Variants in ACYP2 observed in about 807,000 individuals in gnomAD.
The protein encoded by ACYP2 is acylphosphatase-2.
A neutral mutation model predicts 11.2 loss-of-function variants in ACYP2; 12 were observed. That is an observed-to-expected ratio of 1.08 (90% CI 0.69 to 1.74). The LOEUF is 1.74. Ranked by LOEUF, ACYP2 falls within the 40% of genes most tolerant of loss-of-function variation. The pLI, the probability that ACYP2 is intolerant of heterozygous loss-of-function variation, is 0.00. For synonymous variants in ACYP2, 43 were observed against 32.2 expected (o/e 1.33, Z -1.13); for missense variants, 134 against 101.9 (o/e 1.31, Z -1.35).
intron 3 of ACYP2, among the ~76,000 whole-genome samples, chr2:54,053,897 C>T (rs758254810): frequency 2.6e-5 from 4 of 152,210 alleles, no homozygotes; most frequent in African/African-American, 7.2e-5. Flanking sequence ...TTTACTCTCA[C>T]TGGGAGAGGG....
At chr2:54,144,121 C>T (rs138548066) in intron 6 of ACYP2, among the ~76,000 whole-genome samples, 3 of 152,146 alleles carry the variant, frequency 2.0e-5, no homozygotes, top group African/African-American at 7.2e-5. Context: ...AGGTATGCAC[C>T]ACCATGTCCA....
At chr2:54,193,526 A>G (rs771151058) in intron 6 of ACYP2, among the ~76,000 whole-genome samples, 1 of 152,202 alleles carries the variant, frequency 6.6e-6, no homozygotes, top group African/African-American at 2.4e-5. Context: ...AGTCGTGACA[A>G]GTACTCAAAA....
intron 6 of ACYP2, among the ~76,000 whole-genome samples, chr2:54,252,689 G>T (rs1215459765): frequency 9.2e-5 from 14 of 152,062 alleles, no homozygotes; most frequent in Non-Finnish European, 2.1e-4. Context: ...GGATCACAAG[G>T]TCAGGAGATT....
At chr2:54,113,719 G>A (rs974580228) in intron 4 of ACYP2, among the ~76,000 whole-genome samples, 2 of 152,044 alleles carry the variant, frequency 1.3e-5, no homozygotes, top group Non-Finnish European at 2.9e-5. Context: ...TTGGAGAAGG[G>A]GGAGGCATTC....
At chr2:54,093,662 C>T (rs13418658) in intron 4 of ACYP2, among the ~76,000 whole-genome samples, 29,830 of 152,116 alleles carry the variant, frequency 0.2, 3,946 homozygotes, top group African/African-American at 0.38. Flanking sequence ...ACCACTTGGC[C>T]GGGCGTGGTG....
chr2:54,098,327 A>G (rs914689113), intron 4 of ACYP2, among the ~76,000 whole-genome samples: 2 of 151,998 alleles, frequency 1.3e-5, no homozygotes, highest in African/African-American at 4.8e-5. Flanking sequence ...GATTGTCTCA[A>G]AGTTCTAACA....
At chr2:54,301,520 C>CTATG (rs1689727083) in intron 6 of ACYP2, among the ~76,000 whole-genome samples, 1 of 151,948 alleles carries the variant, frequency 6.6e-6, no homozygotes. Context: ...TTTTAAATCT[C>CTATG]TATGTATGCC....
chr2:54,236,280 T>A lies in ACYP2; in HGVS notation c.405-68408T>A, dbSNP rs964631621. Among the ~76,000 whole-genome samples the A allele has an allele frequency of 2.0e-5, 3 of 152,160 alleles. No individual in the cohort carries two copies. The East Asian group carries it at 5.8e-4, about 29-fold the overall frequency. ...TTAAGTTGTTCTTTTCATAACTTTTTATCAAGGATGTTTAGCTTATTGCTT... is the reference window on the plus strand; with the variant it reads ...TTAAGTTGTTCTTTTCATAACTTTTAATCAAGGATGTTTAGCTTATTGCTT... On this transcript the variant is annotated intron_variant, in intron 6 of 6. Coordinates refer to ENST00000607452, the MANE Select transcript of ACYP2 (RefSeq NM_001320586.2).
At chr2:54,087,664 C>T (rs1572720845) in intron 4 of ACYP2, among the ~76,000 whole-genome samples, 1 of 152,144 alleles carries the variant, frequency 6.6e-6, no homozygotes, top group East Asian at 1.9e-4. Flanking sequence ...GAATACACCT[C>T]TTTCTGCTAT....
In ACYP2 at chr2:54,229,098, T is replaced by G. The variant is rs188391143; in HGVS notation, c.405-75590T>G. Among the ~76,000 whole-genome samples the G allele has an allele frequency of 5.9e-5, 9 of 152,204 alleles. No individual in the cohort carries two copies. The East Asian group carries it at 1.7e-3, about 29-fold the overall frequency. ...ACAGAAGCAAGGGCACCGAGCCAGG[T>G]AGGCCATTACAAAATGGCCCAACTG... On this transcript the variant is annotated intron_variant, in intron 6 of 6. Coordinates refer to ENST00000607452, the MANE Select transcript of ACYP2 (RefSeq NM_001320586.2).
At chr2:54,114,380 C>CAAAAAA (rs58390248) in intron 4 of ACYP2, among the ~76,000 whole-genome samples, 1 of 104,404 alleles carries the variant, frequency 9.6e-6, no homozygotes, top group African/African-American at 3.6e-5. Flanking sequence ...TCAAGACAAT[C>CAAAAAA]AAAAAAAAAA....
intron 4 of ACYP2, among the ~76,000 whole-genome samples, chr2:54,130,077 G>A (rs1056281005): frequency 6.6e-6 from 1 of 152,058 alleles, no homozygotes; most frequent in African/African-American, 2.4e-5. Flanking sequence ...AAACAAGACA[G>A]AAAAATTCCT....
intron 6 of ACYP2, chr2:54,267,451 G>C: frequency 7.9e-7 from 1 of 1,264,488 alleles, no homozygotes; most frequent in Non-Finnish European, 1.1e-6. Context: ...GGAATTGGGA[G>C]CTGGGGGAAG....
chr2:54,139,796 T>C (rs1681499444), intron 6 of ACYP2, among the ~76,000 whole-genome samples: 1 of 142,674 alleles, frequency 7.0e-6, no homozygotes, highest in Admixed American at 6.9e-5. Context: ...TGTGTACTTT[T>C]CTGTCTATTT....
At chr2:54,245,806 C>T (rs1686923935) in intron 6 of ACYP2, among the ~76,000 whole-genome samples, 1 of 151,528 alleles carries the variant, frequency 6.6e-6, no homozygotes, top group Admixed American at 6.6e-5. Flanking sequence ...TTTCTCCATT[C>T]TACAGGTTGC....
chr2:54,033,579 A>G (rs1451549451), intron 2 of ACYP2, among the ~76,000 whole-genome samples: 3 of 152,198 alleles, frequency 2.0e-5, no homozygotes, highest in African/African-American at 4.8e-5. Context: ...TGTGTGTTAT[A>G]TAAGGTTTTG....
intron 2 of ACYP2, among the ~76,000 whole-genome samples, chr2:54,017,693 T>C (rs1259099219): frequency 6.6e-6 from 1 of 152,198 alleles, no homozygotes; most frequent in Admixed American, 6.5e-5. Context: ...GTAATTCTTA[T>C]GAAAAATAGT....
chr2:54,257,628 G>A (rs542759484), intron 6 of ACYP2, among the ~76,000 whole-genome samples: 1 of 152,306 alleles, frequency 6.6e-6, no homozygotes, highest in African/African-American at 2.4e-5. Flanking sequence ...AGAAATTTAT[G>A]TAAGACAATA....
intron 2 of ACYP2, among the ~76,000 whole-genome samples, chr2:53,991,627 A>G (rs926563574): frequency 2.4e-4 from 36 of 151,222 alleles, no homozygotes; most frequent in Non-Finnish European, 5.0e-4. Flanking sequence ...TTGGTGTCGA[A>G]CTCCCGACCT....
Sources: allele counts gnomAD v4.1 joint callset (sites outside exome capture counted in the v4.1 genomes callset), GRCh38; gene constraint gnomAD v4.1.1; transcripts MANE v1.5; gene names NCBI Gene and HGNC (gene_info 2026-07-23, HGNC 2026-07-21).